Variants in BAIAP2L1 observed in about 807,000 individuals in gnomAD.
The protein encoded by BAIAP2L1 is BAR/IMD domain containing adaptor protein 2 like 1, also known as BAR/IMD domain-containing adapter protein 2-like 1.
Under a neutral mutation model 66.3 loss-of-function variants are expected in BAIAP2L1, and 35 were observed. The observed-to-expected ratio is 0.53, with a 90% CI of 0.40 to 0.70. The LOEUF (loss-of-function observed/expected upper bound fraction) is 0.70, where lower values mean the gene tolerates loss of function less well. BAIAP2L1 is among the 30% of genes least tolerant of loss of function. The probability of loss-of-function intolerance (pLI) is 0.00; values close to 1 mark genes in which losing one functional copy is unlikely to be tolerated. For synonymous variants in BAIAP2L1, 269 were observed against 248.7 expected, an observed-to-expected ratio of 1.08 and a Z score of -0.77; for missense variants, 622 against 656.9, an observed-to-expected ratio of 0.95 and a Z score of 0.58.
chr7:98,318,595 C>A (rs377334401), intron 5 of BAIAP2L1, among the ~76,000 whole-genome samples: 1 of 150,906 alleles, frequency 6.6e-6, no homozygotes, highest in Non-Finnish European at 1.5e-5. Flanking sequence ...GGGTCTTAAA[C>A]GGACCCGCGT....
intron 1 of BAIAP2L1, among the ~76,000 whole-genome samples, chr7:98,378,179 C>CA (rs1011552819): frequency 1.3e-4 from 18 of 143,222 alleles, no homozygotes; most frequent in South Asian, 2.2e-4. Context: ...CAAAAACGAA[C>CA]AAAAAAAAAA....
At chr7:98,386,318 T>G in intron 1 of BAIAP2L1, 1 of 1,595,120 alleles carries the variant, frequency 6.3e-7, no homozygotes, top group South Asian at 1.1e-5. Context: ...CCTGAACATC[T>G]TCAGTAATCA....
chr7:98,371,152 T>C (rs1393050324), intron 1 of BAIAP2L1, among the ~76,000 whole-genome samples: 1 of 152,080 alleles, frequency 6.6e-6, no homozygotes, highest in Non-Finnish European at 1.5e-5. Flanking sequence ...ACCAAGTGAA[T>C]CTTAACAAAG....
At chr7:98,315,946 C>G (rs983365376) in intron 6 of BAIAP2L1, among the ~76,000 whole-genome samples, 5 of 152,156 alleles carry the variant, frequency 3.3e-5, no homozygotes, top group Admixed American at 6.6e-5. Context: ...AGGTTCAAAC[C>G]CAGTTCCAAA....
rs1236061361 is a variant in BAIAP2L1 at position 98,320,120 on chromosome 7, A to G, written c.286T>C (p.Phe96Leu). 6.2e-7 allele frequency: 1 copy of G among 1,612,210 alleles called. No homozygotes were observed. The highest frequency in any genetic ancestry group is 1.3e-5 in the African/African-American group (1 of 74,888). ...NESLDENFKKFHKEIIHELEK... is the reference protein window; with the variant it reads ...NESLDENFKKLHKEIIHELEK... ...AGCTCATGGATAATCTCTTTGTGGA[A>G]TTTTTTAAACTGTTAACAAAAGGAA... The change falls in exon 5 of 14, where the codon TTC becomes CTC. Residue 96 changes from phenylalanine (F) to leucine (L), a missense_variant. Coordinates refer to ENST00000005260, the MANE Select transcript of BAIAP2L1 (RefSeq NM_018842.5).
intron 12 of BAIAP2L1, among the ~76,000 whole-genome samples, chr7:98,301,914 A>AC (rs1043095152): frequency 6.6e-6 from 1 of 151,920 alleles, no homozygotes; most frequent in African/African-American, 2.4e-5. Flanking sequence ...GCACCAGGTC[A>AC]CCCCCTGCAG....
chr7:98,387,300 G>A (rs1055194002), intron 1 of BAIAP2L1, among the ~76,000 whole-genome samples: 10 of 152,118 alleles, frequency 6.6e-5, no homozygotes, highest in Non-Finnish European at 2.9e-5. Context: ...TTTCTCCAGC[G>A]TGGTTTCTGG....
chr7:98,295,838 CAAAG>C (rs1346343383), intron 12 of BAIAP2L1, among the ~76,000 whole-genome samples: 3 of 152,208 alleles, frequency 2.0e-5, no homozygotes, highest in Non-Finnish European at 4.4e-5. Flanking sequence ...TAAATCCTCA[CAAAG>C]AACGCAGCAA....
intron 3 of BAIAP2L1, among the ~76,000 whole-genome samples, chr7:98,352,042 T>C (rs1802011845): frequency 1.3e-5 from 2 of 152,050 alleles, no homozygotes; most frequent in South Asian, 2.1e-4. Flanking sequence ...GACAATAAAA[T>C]CTTCTTGGAA....
At position 98,315,628 on chromosome 7, in the gene BAIAP2L1, T is replaced by A. The variant is rs201549971; in HGVS notation, c.487-16A>T. ...TCTCCACATACTAAAAAAAAAAAAA[T>A]AATAATAATAATAATTATATAAGCA... On this transcript the variant is annotated splice_polypyrimidine_tract_variant and intron_variant, in intron 6 of 13. Transcript: ENST00000005260. 1.1e-3 allele frequency: 997 copies of A among 935,432 alleles called. 1 individual carries two copies. The highest frequency in any genetic ancestry group is 7.6e-3 in the East Asian group (198 of 26,180). 57.9% of individuals were successfully genotyped at this position (935,432 alleles called of 1,614,324 possible). A position where few individuals can be genotyped will look rare whatever the true frequency, so the allele number is the denominator to read the frequency against.
chr7:98,390,866 C>A (rs1803021094), intron 1 of BAIAP2L1, among the ~76,000 whole-genome samples: 1 of 152,126 alleles, frequency 6.6e-6, no homozygotes, highest in Admixed American at 6.6e-5. Context: ...GAGACAGTCT[C>A]TCGCTCTGTT....
intron 3 of BAIAP2L1, among the ~76,000 whole-genome samples, chr7:98,326,195 T>A (rs1407516254): frequency 1.3e-5 from 2 of 152,148 alleles, no homozygotes; most frequent in African/African-American, 4.8e-5. Context: ...GAGGATCACT[T>A]GAGCCCAGGA....
chr7:98,389,257 T>G (rs1802968944), intron 1 of BAIAP2L1, among the ~76,000 whole-genome samples: 1 of 152,118 alleles, frequency 6.6e-6, no homozygotes, highest in South Asian at 2.1e-4. Flanking sequence ...GGTGGTTGGA[T>G]CTGTCATCTG....
chr7:98,354,685 T>A (rs1434541781), intron 3 of BAIAP2L1, among the ~76,000 whole-genome samples: 1 of 151,998 alleles, frequency 6.6e-6, no homozygotes, highest in Non-Finnish European at 1.5e-5. Flanking sequence ...TTCTACTAGG[T>A]GAGTCACAGG....
At chr7:98,315,118 T>C (rs1176342532) in intron 7 of BAIAP2L1, among the ~76,000 whole-genome samples, 1 of 152,070 alleles carries the variant, frequency 6.6e-6, no homozygotes, top group Non-Finnish European at 1.5e-5. Context: ...TGTGTGTATA[T>C]CTCTGTACGT....
intron 3 of BAIAP2L1, among the ~76,000 whole-genome samples, chr7:98,348,765 T>C (rs970441207): frequency 7.9e-5 from 12 of 152,222 alleles, no homozygotes; most frequent in Non-Finnish European, 1.3e-4. Context: ...TCATCTCATT[T>C]CATCTAATGA....
chr7:98,352,865 C>T (rs996927959), intron 3 of BAIAP2L1, among the ~76,000 whole-genome samples: 2 of 152,066 alleles, frequency 1.3e-5, no homozygotes, highest in African/African-American at 2.4e-5. Context: ...ACCCATAAAA[C>T]ATTAAAAAGG....
At chr7:98,373,140 T>A (rs1802548293) in intron 1 of BAIAP2L1, among the ~76,000 whole-genome samples, 1 of 152,224 alleles carries the variant, frequency 6.6e-6, no homozygotes, top group African/African-American at 2.4e-5. Flanking sequence ...GATCACCTGC[T>A]CTTCCTTTAG....
intron 1 of BAIAP2L1, among the ~76,000 whole-genome samples, chr7:98,372,741 T>G (rs1318078073): frequency 4.1e-5 from 6 of 145,118 alleles, no homozygotes; most frequent in South Asian, 2.3e-4. Flanking sequence ...TGGTTTTTTT[T>G]TTTTTTTTTT....
Sources: gnomAD v4.1 joint callset for allele counts (sites outside exome capture counted in the v4.1 genomes callset) on GRCh38, gnomAD v4.1.1 for gene constraint, MANE v1.5 for transcripts, NCBI Gene and HGNC (gene_info 2026-07-23, HGNC 2026-07-21) for gene names.